PAN3: variants seen among roughly 807,000 people sequenced by gnomAD.
PAN3 encodes the protein PAN2-PAN3 deadenylation complex subunit PAN3.
A neutral mutation model predicts 96.2 loss-of-function variants in PAN3; 19 were observed. The ratio of observed to expected loss-of-function variants is 0.20; its 90% CI spans 0.14 to 0.29. The LOEUF is 0.29. Among genes scored for constraint, PAN3 ranks in the 10% least tolerant of loss-of-function variants. The probability of loss-of-function intolerance (pLI) is 1.00; values close to 1 mark genes in which losing one functional copy is unlikely to be tolerated. For synonymous variants in PAN3, 433 were observed against 406.6 expected (o/e 1.06, Z -0.78); for missense variants, 882 against 1,108.1 (o/e 0.80, Z 2.90).
intron 2 of PAN3, among the ~76,000 whole-genome samples, chr13:28,175,036 G>A (rs1456785152): frequency 6.6e-6 from 1 of 151,888 alleles, no homozygotes; most frequent in Non-Finnish European, 1.5e-5. Context: ...GGAGATTTGT[G>A]TTTAGATGAG....
intron 14 of PAN3, among the ~76,000 whole-genome samples, chr13:28,276,925 A>G (rs1412951879): frequency 2.0e-5 from 3 of 152,142 alleles, no homozygotes; most frequent in Non-Finnish European, 4.4e-5. Flanking sequence ...TAAAAGTGGC[A>G]ATTTGTAGTT....
intron 6 of PAN3, chr13:28,232,598 C>T (rs182827992): frequency 2.6e-5 from 4 of 151,776 alleles, no homozygotes; most frequent in Admixed American, 2.0e-4. Context: ...ATGAAGTGTT[C>T]TGCATTATAA....
intron 15 of PAN3, 144 bp from the exon 16 acceptor site, chr13:28,280,268 G>A: frequency 1.1e-6 from 1 of 942,216 alleles, no homozygotes; most frequent in East Asian, 2.7e-5. Flanking sequence ...TAATATTTAA[G>A]AATGAACTTG....
At position 28,176,368 on chromosome 13, in the gene PAN3, T is replaced by G; in HGVS notation, c.553-125T>G. ...CAAGCAGTAACACTTACAGGAAGAT[T>G]AGATTGTCAGTAATGTGAACAGTAG... On this transcript the variant is annotated intron_variant, in intron 2 of 18. Coordinates refer to ENST00000380958, the MANE Select transcript of PAN3 (RefSeq NM_175854.8). 1.4e-5 allele frequency: 12 copies of G among 833,840 alleles called. 1 individual carries two copies. In the South Asian group the frequency reaches 1.8e-4, roughly 12 times the overall value. The allele number at this position is 833,840 out of a possible 1,614,324, so 51.7% of individuals were successfully genotyped here. A position where few individuals can be genotyped will look rare whatever the true frequency, so the allele number is the denominator to read the frequency against.
Position 28,256,358 on chromosome 13 carries a change from C to T in PAN3, c.1067C>T (p.Ala356Val). Residue 356 changes from alanine to valine, a missense_variant, in exon 7 of 19, where the codon GCT (alanine) becomes GTT (valine). By Grantham distance (64) the Ala-to-Val change is moderately conservative. Around this residue, in one of 3 missense-constraint regions of PAN3, gnomAD observed 364 missense variants for 513.6 expected, o/e 0.71. Coordinates refer to ENST00000380958, the MANE Select transcript of PAN3 (RefSeq NM_175854.8). Reference protein sequence around the residue: ...SPKITPHTSPAPRRRSHTPNP... With the variant: ...SPKITPHTSPVPRRRSHTPNP... ...AAGATTACTCCACATACTTCTCCTG[C>T]TCCCAGAAGAAGAAGTCACACTCCA... is the stretch of plus-strand genomic sequence containing the variant. The T allele has an allele frequency of 6.2e-7, 1 of 1,613,338 alleles. No individual in the cohort carries two copies. The highest frequency in any genetic ancestry group is 1.1e-5 in the South Asian group (1 of 91,058).
chr13:28,167,275 C>G (rs1316812781), intron 1 of PAN3, among the ~76,000 whole-genome samples: 1 of 151,560 alleles, frequency 6.6e-6, no homozygotes, highest in East Asian at 1.9e-4. Flanking sequence ...TAGCTGCAAC[C>G]TCCACCTCCT....
intron 6 of PAN3, among the ~76,000 whole-genome samples, chr13:28,243,688 T>A (rs181202117): frequency 1.8e-4 from 27 of 152,250 alleles, no homozygotes; most frequent in African/African-American, 5.8e-4. Flanking sequence ...GGTTTTGTTT[T>A]TGTTTTTGTT....
At chr13:28,164,756 G>C (rs1196397604) in intron 1 of PAN3, among the ~76,000 whole-genome samples, 1 of 152,192 alleles carries the variant, frequency 6.6e-6, no homozygotes, top group Non-Finnish European at 1.5e-5. Context: ...CACTGCTCTA[G>C]TATGATGTTT....
chr13:28,290,078 T>G (rs1869555455), intron 18 of PAN3, among the ~76,000 whole-genome samples: 1 of 152,232 alleles, frequency 6.6e-6, no homozygotes, highest in South Asian at 2.1e-4. Context: ...TATGGCCTAT[T>G]TTTTTAAAGC....
intron 4 of PAN3, among the ~76,000 whole-genome samples, chr13:28,182,066 A>G (rs1373429603): frequency 1.3e-5 from 2 of 152,256 alleles, no homozygotes; most frequent in African/African-American, 4.8e-5. Context: ...ACTGAATCAC[A>G]AATGTGATCT....
chr13:28,215,050 AT>A lies in PAN3; in HGVS notation c.853-5180del, dbSNP rs1342128551. Reference sequence around the variant, plus strand: ...ATTAAGGAAGTCAGCACTTATATTAATAAAATTGGCTACAATCCTGACACAG... The same window carrying A: ...ATTAAGGAAGTCAGCACTTATATTAAAAAATTGGCTACAATCCTGACACAG... On this transcript the variant is annotated intron_variant, in intron 5 of 18. Transcript: ENST00000380958. 7 of 1,099,992 alleles carry A rather than the reference AT, an allele frequency of 6.4e-6. No homozygotes were observed. In the African/African-American group the frequency reaches 1.1e-4, roughly 17 times the overall value. 68.1% of individuals were successfully genotyped at this position (1,099,992 alleles called of 1,614,324 possible).
At chr13:28,238,707 A>T (rs529722978) in intron 6 of PAN3, among the ~76,000 whole-genome samples, 7 of 152,358 alleles carry the variant, frequency 4.6e-5, no homozygotes, top group African/African-American at 1.7e-4. Context: ...GTAAACAAAA[A>T]AACTTTCAGT....
chr13:28,261,788 G>A (rs938652227), intron 9 of PAN3, among the ~76,000 whole-genome samples: 8 of 133,328 alleles, frequency 6.0e-5, no homozygotes, highest in East Asian at 2.2e-4. Flanking sequence ...GGCTATAATC[G>A]CCCCACTGCA....
chr13:28,194,170 C>G (rs139380735), intron 4 of PAN3, among the ~76,000 whole-genome samples: 4,610 of 150,632 alleles, frequency 0.031, 97 homozygotes, highest in Non-Finnish European at 0.049. Context: ...AAAAGAGACA[C>G]TGTCTCAAAA....
chr13:28,167,801 G>T (rs184776240), intron 1 of PAN3, among the ~76,000 whole-genome samples: 1 of 151,926 alleles, frequency 6.6e-6, no homozygotes, highest in African/African-American at 2.4e-5. Flanking sequence ...CTTAGATTGC[G>T]CCACCGCACT....
chr13:28,244,154 A>G (rs1249308840), intron 6 of PAN3, among the ~76,000 whole-genome samples: 3 of 152,180 alleles, frequency 2.0e-5, no homozygotes, highest in African/African-American at 7.2e-5. Flanking sequence ...TATGATTTTA[A>G]GAACTGTAGG....
intron 5 of PAN3, among the ~76,000 whole-genome samples, chr13:28,202,943 AT>A (rs1878914318): frequency 1.3e-5 from 2 of 151,888 alleles, no homozygotes; most frequent in Non-Finnish European, 2.9e-5. Context: ...CTACTGTTTA[AT>A]TTTTTTCTTT....
At position 28,256,610 on chromosome 13, in the gene PAN3, A is replaced by G. The variant is rs181207973; in HGVS notation, c.1248+71A>G. ...GACCTTCTTAGTTGTGAGGCGGTCT[A>G]CCCCCTCCTGCAGCTTTTTATTGTG... On this transcript the variant is annotated intron_variant, in intron 7 of 18. Coordinates refer to ENST00000380958, the MANE Select transcript of PAN3 (RefSeq NM_175854.8). The G allele has an allele frequency of 1.6e-4, 233 of 1,457,352 alleles. No individual in the cohort carries two copies. The African/African-American group carries it at 3.0e-3, about 19-fold the overall frequency. The allele number at this position is 1,457,352 out of a possible 1,614,324, so 90.3% of individuals were successfully genotyped here. A position where few individuals can be genotyped will look rare whatever the true frequency, so the allele number is the denominator to read the frequency against.
chr13:28,234,671 G>A (rs1180156894), intron 6 of PAN3, among the ~76,000 whole-genome samples: 1 of 152,054 alleles, frequency 6.6e-6, no homozygotes, highest in Non-Finnish European at 1.5e-5. Context: ...CTGAGTTAAG[G>A]CTTTTTCTTC....
Sources: allele counts gnomAD v4.1 joint callset (sites outside exome capture counted in the v4.1 genomes callset), GRCh38; gene constraint gnomAD v4.1.1; regional missense constraint gnomAD v4.1.1; transcripts MANE v1.5; gene names NCBI Gene and HGNC (gene_info 2026-07-23, HGNC 2026-07-21).